GPC5: variants seen among roughly 807,000 people sequenced by gnomAD.
The protein encoded by GPC5 is glypican 5.
GPC5 carries 47 observed loss-of-function variants against 53.9 expected under a neutral mutation model. The ratio of observed to expected loss-of-function variants is 0.87; its 90% confidence interval spans 0.69 to 1.11. GPC5 has a LOEUF of 1.11. Among genes scored for constraint, GPC5 ranks in the 50% most tolerant of loss-of-function variants. The pLI is 0.00. For missense variants in GPC5, 748 were observed against 713.1 expected (o/e 1.05, Z -0.56); for synonymous variants, 286 against 263.3 (o/e 1.09, Z -0.84).
chr13:92,533,986 A>T (rs572203962), intron 7 of GPC5, among the ~76,000 whole-genome samples: 1 of 152,280 alleles, frequency 6.6e-6, no homozygotes, highest in African/African-American at 2.4e-5. Context: ...TTGGGCGCTG[A>T]TACTAAATGA....
intron 6 of GPC5, among the ~76,000 whole-genome samples, chr13:92,027,845 C>T (rs1566401230): frequency 6.6e-6 from 1 of 152,170 alleles, no homozygotes; most frequent in Non-Finnish European, 1.5e-5. Flanking sequence ...ACAACAGTCA[C>T]TTGCTCAGTG....
rs149793187 is a variant in GPC5 at position 91,830,165 on chromosome 13, C to A, written c.1280+73745C>A. On this transcript the variant is annotated intron_variant, in intron 5 of 7. Transcript: ENST00000377067. ...CCAGGGGGGCCGTGTATAGACCTAC[C>A]CCCAGGCACGTATTCTCTTTCCCAG... Among the ~76,000 whole-genome samples, 1,163 of 152,058 alleles carry A rather than the reference C, an allele frequency of 7.6e-3. 7 individuals are homozygous for A. The highest frequency in any genetic ancestry group is 0.012 in the Non-Finnish European group (811 of 67,952).
intron 6 of GPC5, chr13:91,996,619 A>C (rs552647110): frequency 6.6e-6 from 1 of 152,348 alleles, no homozygotes; most frequent in African/African-American, 2.4e-5. Flanking sequence ...CTGCCACTTA[A>C]GTCATGAACT....
intron 1 of GPC5, among the ~76,000 whole-genome samples, chr13:91,415,431 A>G (rs1878134034): frequency 6.6e-6 from 1 of 152,030 alleles, no homozygotes; most frequent in African/African-American, 2.4e-5. Flanking sequence ...TAATGTGCAG[A>G]CCTTTCACAA....
chr13:92,396,613 G>A lies in GPC5; in HGVS notation c.1561+251624G>A, dbSNP rs143031901. Among the ~76,000 whole-genome samples, 558 of 151,878 alleles carry A rather than the reference G, an allele frequency of 3.7e-3. 4 individuals are homozygous for A. The highest frequency in any genetic ancestry group is 0.013 in the African/African-American group (519 of 41,388). ...TAAACATGTTCCATGGTAGTTTGTC[G>A]CACCTATCAACCCATCACTTAGGCG... On this transcript the variant is annotated intron_variant, in intron 7 of 7. Transcript: ENST00000377067.
intron 2 of GPC5, among the ~76,000 whole-genome samples, chr13:91,536,263 T>C (rs773903934): frequency 2.0e-5 from 3 of 152,048 alleles, no homozygotes; most frequent in Admixed American, 6.6e-5. Flanking sequence ...GAACCAGTGG[T>C]TTTCAGCAAC....
intron 7 of GPC5, chr13:92,448,657 C>G (rs962016179): frequency 6.6e-6 from 1 of 151,892 alleles, no homozygotes; most frequent in Admixed American, 6.6e-5. Flanking sequence ...TGGATTTGGA[C>G]TCAGCATAAT....
chr13:92,305,621 A>G (rs1432046405), intron 7 of GPC5, among the ~76,000 whole-genome samples: 1 of 152,242 alleles, frequency 6.6e-6, no homozygotes, highest in African/African-American at 2.4e-5. Context: ...AATCTATCAT[A>G]TTAAATGTAT....
intron 2 of GPC5, among the ~76,000 whole-genome samples, chr13:91,506,694 A>G (rs1381943876): frequency 6.6e-6 from 1 of 150,958 alleles, no homozygotes; most frequent in East Asian, 2.0e-4. Context: ...CATAGAAAAA[A>G]TGACTTTGAA....
chr13:91,551,717 C>T (rs976609878), intron 2 of GPC5, among the ~76,000 whole-genome samples: 8 of 151,792 alleles, frequency 5.3e-5, no homozygotes, highest in African/African-American at 1.5e-4. Context: ...GCAGAGACAT[C>T]GAAAAAGTAG....
rs1279490937 is a variant in GPC5, at chr13:91,958,025, A to G, written c.1401+49968A>G. On this transcript the variant is annotated intron_variant, in intron 6 of 7. Coordinates refer to ENST00000377067, the MANE Select transcript of GPC5 (RefSeq NM_004466.6). ...AAATGACAAAAATGAGCACTCACAT[A>G]TTGATAATAACCTTGAATATAAACA... 3.3e-5 allele frequency among the ~76,000 whole-genome samples: 5 copies of G among 152,086 alleles called. No individual in the cohort carries two copies. In the East Asian group the frequency reaches 9.6e-4, roughly 29 times the overall value.
intron 7 of GPC5, among the ~76,000 whole-genome samples, chr13:92,382,259 G>A (rs2043754923): frequency 1.3e-5 from 2 of 151,918 alleles, no homozygotes; most frequent in Non-Finnish European, 2.9e-5. Context: ...TACAAATATG[G>A]TGCAGTGTAT....
chr13:92,192,919 A>G (rs144721920), intron 7 of GPC5, among the ~76,000 whole-genome samples: 4,322 of 152,258 alleles, frequency 0.028, 197 homozygotes, highest in African/African-American at 0.096. Flanking sequence ...GCTCATGCCT[A>G]TAATTCCAGC....
chr13:92,429,370 C>T (rs147451219), intron 7 of GPC5, among the ~76,000 whole-genome samples: 102 of 151,306 alleles, frequency 6.7e-4, no homozygotes, highest in African/African-American at 1.9e-3. Flanking sequence ...ACTACTCAGG[C>T]GCAGAAAAAT....
chr13:91,440,265 G>C (rs1191613617), intron 1 of GPC5, among the ~76,000 whole-genome samples: 3 of 152,060 alleles, frequency 2.0e-5, no homozygotes, highest in Non-Finnish European at 4.4e-5. Flanking sequence ...CGTAAGGCTT[G>C]TTCCTTTCAT....
At chr13:92,022,473 T>C (rs1736003231) in intron 6 of GPC5, among the ~76,000 whole-genome samples, 2 of 152,176 alleles carry the variant, frequency 1.3e-5, no homozygotes, top group South Asian at 2.1e-4. Flanking sequence ...CTCAAAGACA[T>C]AGACTGTCTT....
At chr13:91,431,056 G>A (rs1879410401) in intron 1 of GPC5, among the ~76,000 whole-genome samples, 1 of 151,986 alleles carries the variant, frequency 6.6e-6, no homozygotes, top group African/African-American at 2.4e-5. Context: ...TCTATTTTTT[G>A]TAGAGATGGG....
chr13:91,746,862 C>T (rs1437054842), intron 4 of GPC5, among the ~76,000 whole-genome samples: 1 of 152,152 alleles, frequency 6.6e-6, no homozygotes, highest in Non-Finnish European at 1.5e-5. Flanking sequence ...TCATCATATA[C>T]TGTCATGTGA....
intron 1 of GPC5, among the ~76,000 whole-genome samples, chr13:91,400,519 T>C (rs991158090): frequency 5.9e-5 from 9 of 152,258 alleles, no homozygotes; most frequent in African/African-American, 2.2e-4. Flanking sequence ...GATCTGTATT[T>C]TTCTTAGTGC....
Sources: gnomAD v4.1 joint callset for allele counts (sites outside exome capture counted in the v4.1 genomes callset) on GRCh38, gnomAD v4.1.1 for gene constraint, MANE v1.5 for transcripts, NCBI Gene and HGNC (gene_info 2026-07-23, HGNC 2026-07-21) for gene names.